PLB1: variants seen among roughly 807,000 people sequenced by gnomAD.
PLB1 encodes phospholipase B1, also known as phospholipase B1, membrane-associated.
PLB1 carries 242 observed loss-of-function variants against 227.4 expected under a neutral mutation model. The ratio of observed to expected loss-of-function variants is 1.06; its 90% CI spans 0.96 to 1.18. The LOEUF is 1.18. Ranked by LOEUF, PLB1 falls within the 50% of genes most tolerant of loss-of-function variation. The pLI is 0.00. For missense variants in PLB1, 1,858 were observed against 1,816.3 expected (o/e 1.02, Z -0.42); for synonymous variants, 757 against 682.2 (o/e 1.11, Z -1.71).
At chr2:28,535,708 G>A (rs1200382614) in intron 9 of PLB1, among the ~76,000 whole-genome samples, 1 of 152,132 alleles carries the variant, frequency 6.6e-6, no homozygotes, top group Non-Finnish European at 1.5e-5. Context: ...ATCACTTGAG[G>A]TTAGGAGTTC....
intron 4 of PLB1, among the ~76,000 whole-genome samples, chr2:28,524,844 C>CTTTT (rs779955635): frequency 0.011 from 1,151 of 106,536 alleles, 51 homozygotes; most frequent in African/African-American, 0.026. Context: ...CTCTCTCTCT[C>CTTTT]TTTTTTTTTT....
chr2:28,544,578 G>C (rs539770980), intron 14 of PLB1, among the ~76,000 whole-genome samples: 1 of 152,206 alleles, frequency 6.6e-6, no homozygotes, highest in Non-Finnish European at 1.5e-5. Context: ...CAGGCTTCAG[G>C]TGTAGCTGGG....
chr2:28,591,239 C>T, intron 30 of PLB1, 68 bp downstream of exon 30: 4 of 1,584,882 alleles, frequency 2.5e-6, no homozygotes, highest in Admixed American at 3.3e-5. Context: ...CTGGGACAGG[C>T]CCAACAGGAC....
chr2:28,591,247 G>A, intron 30 of PLB1, 76 bp downstream of exon 30: 1 of 1,574,062 alleles, frequency 6.4e-7, no homozygotes, highest in Non-Finnish European at 8.7e-7. Context: ...GGCCCAACAG[G>A]ACAGGGTGGG....
chr2:28,589,551 C>G lies in PLB1; in HGVS notation c.1917C>G (p.Thr639=). 1 of 1,614,016 alleles carries G rather than the reference C, an allele frequency of 6.2e-7. No homozygotes were observed. Residue 639 remains threonine, a synonymous_variant, in exon 27 of 58, where the codon ACC becomes ACG. Coordinates refer to ENST00000327757, the MANE Select transcript of PLB1 (RefSeq NM_153021.5). ...PFFENVDMPK[T]SEGLPDNSFF... is the part of the protein sequence containing the mutation. ...TTGAAAACGTGGACATGCCAAAGAC[C>G]TCGGTAAAGAAAGCAAGCATCGTAG...
chr2:28,607,311 C>G (rs189997705), intron 43 of PLB1, among the ~76,000 whole-genome samples: 1 of 152,162 alleles, frequency 6.6e-6, no homozygotes, highest in East Asian at 1.9e-4. Context: ...CCTCCTAGGT[C>G]GGCCACACCA....
chr2:28,529,690 T>G, intron 7 of PLB1, 38 bp from the exon 8 acceptor site: 1 of 1,605,024 alleles, frequency 6.2e-7, no homozygotes, highest in East Asian at 2.2e-5. Context: ...CAAAATAATA[T>G]TTAGCCAATT....
intron 1 of PLB1, among the ~76,000 whole-genome samples, chr2:28,503,653 G>C (rs930275345): frequency 6.6e-6 from 1 of 152,128 alleles, no homozygotes; most frequent in African/African-American, 2.4e-5. Flanking sequence ...GAGATGTCTG[G>C]GGACTTGGTA....
intron 19 of PLB1, 32 bp downstream of exon 19, chr2:28,565,385 C>T (rs1302242164): frequency 6.4e-7 from 1 of 1,573,524 alleles, no homozygotes; most frequent in Non-Finnish European, 8.7e-7. Flanking sequence ...CCCCAAAGGC[C>T]CCTTCATTGC....
chr2:28,593,323 A>C (rs1254340868), intron 32 of PLB1, among the ~76,000 whole-genome samples: 1 of 152,254 alleles, frequency 6.6e-6, no homozygotes, highest in Non-Finnish European at 1.5e-5. Context: ...CTTCATGCTC[A>C]TAAAGAACGT....
In PLB1 at chr2:28,579,663, C is replaced by G; in HGVS notation, c.1522C>G (p.Leu508Val). 1 of 1,613,436 alleles carries G rather than the reference C, an allele frequency of 6.2e-7. No homozygotes were observed. Among genetic ancestry groups the G allele is most frequent in the Non-Finnish European group, 8.5e-7 (1 of 1,179,500 alleles). Reference protein sequence around the residue: ...HFQEDWKIITLFIGGNDLCDF... With the variant: ...HFQEDWKIITVFIGGNDLCDF... The stretch of plus-strand genomic sequence containing the variant: ...TCAGGAAGACTGGAAGATAATAACC[C>G]TGTTTATAGGCGGCAATGACCTCTG... The change falls in exon 23 of 58, where the codon CTG becomes GTG. Residue 508 changes from leucine (L) to valine (V), a missense_variant. Leu to Val is a conservative substitution (Grantham distance 32). Coordinates refer to ENST00000327757, the MANE Select transcript of PLB1 (RefSeq NM_153021.5).
chr2:28,549,437 G>A (rs561336662), intron 15 of PLB1, among the ~76,000 whole-genome samples: 823 of 3,504 alleles, frequency 0.23, 1 homozygote, highest in Middle Eastern at 0.43. Flanking sequence ...TTTTTTTTGA[G>A]ACGGAGTCTC....
At chr2:28,578,262 A>G (rs1679333851) in intron 22 of PLB1, 104 bp downstream of exon 22, 1 of 1,068,130 alleles carries the variant, frequency 9.4e-7, no homozygotes, top group Non-Finnish European at 1.4e-6. Flanking sequence ...TTTCTAGCAG[A>G]CACATCTGAA....
intron 56 of PLB1, among the ~76,000 whole-genome samples, chr2:28,637,581 A>G (rs1243053728): frequency 2.6e-5 from 4 of 152,188 alleles, no homozygotes; most frequent in Non-Finnish European, 4.4e-5. Context: ...GCCAGGCCCC[A>G]TAGCACAGCA....
chr2:28,526,323 A>C (rs966441879), intron 6 of PLB1, among the ~76,000 whole-genome samples: 2 of 151,754 alleles, frequency 1.3e-5, no homozygotes, highest in African/African-American at 2.4e-5. Flanking sequence ...CACTCCTCCC[A>C]CCCAAGGGGA....
intron 46 of PLB1, among the ~76,000 whole-genome samples, chr2:28,619,317 A>G (rs1420818858): frequency 6.6e-6 from 1 of 152,138 alleles, no homozygotes; most frequent in African/African-American, 2.4e-5. Flanking sequence ...ATGTGTTTCC[A>G]TTTTGGCATG....
intron 33 of PLB1, chr2:28,594,178 A>T: frequency 2.4e-6 from 1 of 411,294 alleles, no homozygotes; most frequent in Admixed American, 3.1e-5. Context: ...ATATGTACAC[A>T]TCTGCACAGA....
intron 54 of PLB1, among the ~76,000 whole-genome samples, chr2:28,631,096 G>A (rs1005066370): frequency 3.3e-5 from 5 of 150,972 alleles, no homozygotes; most frequent in African/African-American, 7.3e-5. Context: ...GGAGGCTGCT[G>A]TTAGCTATGA....
rs1686851629 is a variant in PLB1, at chr2:28,620,332, G to C, written c.3383G>C (p.Ser1128Thr). Residue 1128 changes from serine (S) to threonine (T), a missense_variant and splice_region_variant, in exon 47 of 58, where the codon AGC becomes ACC. Physicochemically the swap from Ser to Thr is moderately conservative, Grantham distance 58 (BLOSUM62 1). Coordinates refer to ENST00000327757, the MANE Select transcript of PLB1 (RefSeq NM_153021.5). ...ACATCTTGGAGGGGACTCTCTTGGAGGTGAGGATGTTCTTGATGCATGCTC... is the reference window on the plus strand; with the variant it reads ...ACATCTTGGAGGGGACTCTCTTGGACGTGAGGATGTTCTTGATGCATGCTC... ...LPTSWRGLSW[S>T]IGGDGNLETH... 1 of 1,599,340 alleles carries C rather than the reference G, an allele frequency of 6.3e-7. No individual in the cohort carries two copies. Among genetic ancestry groups the C allele is most frequent in the South Asian group, 1.1e-5 (1 of 89,366 alleles).
Sources: gnomAD v4.1 joint callset for allele counts (sites outside exome capture counted in the v4.1 genomes callset) on GRCh38, gnomAD v4.1.1 for gene constraint, MANE v1.5 for transcripts, NCBI Gene and HGNC (gene_info 2026-07-23, HGNC 2026-07-21) for gene names.